Variants in MAGI2 observed in about 807,000 individuals in gnomAD.
The protein encoded by MAGI2 is membrane-associated guanylate kinase, WW and PDZ domain-containing protein 2.
Under a neutral mutation model 133.3 loss-of-function variants are expected in MAGI2, and 35 were observed. The ratio of observed to expected loss-of-function variants is 0.26; its 90% CI spans 0.20 to 0.35. The LOEUF (loss-of-function observed/expected upper bound fraction) is 0.35, where lower values mean the gene tolerates loss of function less well. MAGI2 is among the 10% of genes least tolerant of loss of function. The probability of loss-of-function intolerance (pLI) is 1.00; values close to 1 mark genes in which losing one functional copy is unlikely to be tolerated. For missense variants in MAGI2, 1,636 were observed against 1,863.4 expected (o/e 0.88, Z 2.25); for synonymous variants, 729 against 710.6 (o/e 1.03, Z -0.41).
chr7:78,785,957 C>A (rs1325818973), intron 2 of MAGI2, among the ~76,000 whole-genome samples: 1 of 151,980 alleles, frequency 6.6e-6, no homozygotes, highest in Non-Finnish European at 1.5e-5. Context: ...CAGAGGGAGA[C>A]AGAGGAATGA....
At chr7:78,255,809 C>A in intron 10 of MAGI2, 134 bp downstream of exon 10, 1 of 916,284 alleles carries the variant, frequency 1.1e-6, no homozygotes, top group Non-Finnish European at 1.7e-6. Context: ...ATGTTTTTCT[C>A]TCTCACTCTT....
chr7:78,109,302 TCAAAAAAAAA>T (rs1204234087), intron 20 of MAGI2, among the ~76,000 whole-genome samples: 2 of 7,656 alleles, frequency 2.6e-4, no homozygotes, highest in African/African-American at 1.3e-3. Context: ...AGACTCCGTC[TCAAAAAAAAA>T]AAAAAAAAAA....
intron 20 of MAGI2, among the ~76,000 whole-genome samples, chr7:78,088,460 G>T (rs191590811): frequency 6.6e-6 from 1 of 152,126 alleles, no homozygotes; most frequent in African/African-American, 2.4e-5. Context: ...CGGGGACATT[G>T]GTTAGCTGGG....
intron 21 of MAGI2, among the ~76,000 whole-genome samples, chr7:78,047,979 T>C (rs778530615): frequency 1.6e-4 from 25 of 152,234 alleles, no homozygotes; most frequent in Admixed American, 5.2e-4. Flanking sequence ...TTCCCTCTTC[T>C]GAGCACGTGT....
chr7:78,876,915 C>T (rs972875999), intron 2 of MAGI2, among the ~76,000 whole-genome samples: 1 of 74,166 alleles, frequency 1.3e-5, no homozygotes, highest in Admixed American at 1.2e-4. Context: ...TGTGGACTTA[C>T]AGAAATTTAT....
intron 21 of MAGI2, among the ~76,000 whole-genome samples, chr7:78,032,197 C>T (rs1179958153): frequency 6.6e-6 from 1 of 152,036 alleles, no homozygotes; most frequent in Non-Finnish European, 1.5e-5. Context: ...TATCTTTCTA[C>T]ATTAGAACCC....
chr7:78,602,457 G>T (rs1185617940), intron 3 of MAGI2, among the ~76,000 whole-genome samples: 2 of 152,156 alleles, frequency 1.3e-5, no homozygotes, highest in African/African-American at 4.8e-5. Context: ...ACCATACCCG[G>T]CCGATTAAAT....
rs78340323 is a variant in MAGI2, at chr7:79,079,640, G to T, written c.302-72434C>A. On this transcript the variant is annotated intron_variant, in intron 1 of 21. Transcript: ENST00000354212. Reference sequence around the variant, plus strand: ...CCCTGGCAAGATAGAAATGGTTGAGGTACTCACATATCTAGACATGAAACT... The same window carrying T: ...CCCTGGCAAGATAGAAATGGTTGAGTTACTCACATATCTAGACATGAAACT... 7.6e-3 allele frequency among the ~76,000 whole-genome samples: 1,151 copies of T among 152,036 alleles called. 18 individuals carry two copies. The highest frequency in any genetic ancestry group is 0.026 in the African/African-American group (1,093 of 41,474).
chr7:79,289,271 C>T (rs998536422), intron 1 of MAGI2, among the ~76,000 whole-genome samples: 3 of 152,120 alleles, frequency 2.0e-5, no homozygotes, highest in Admixed American at 1.3e-4. Context: ...TGATCTCATG[C>T]TCTCATAACT....
intron 6 of MAGI2, among the ~76,000 whole-genome samples, chr7:78,466,531 A>G (rs1790651250): frequency 6.6e-6 from 1 of 152,232 alleles, no homozygotes; most frequent in African/African-American, 2.4e-5. Flanking sequence ...TGTTTTATAA[A>G]TAACTAAAAT....
intron 1 of MAGI2, among the ~76,000 whole-genome samples, chr7:79,033,096 T>C (rs1440076072): frequency 2.0e-5 from 3 of 152,154 alleles, no homozygotes; most frequent in Non-Finnish European, 4.4e-5. Context: ...TGCTCTTGGA[T>C]CTGTTCTATC....
chr7:78,430,240 C>CTTTTTTTTTTTTT (rs545809101), intron 6 of MAGI2, among the ~76,000 whole-genome samples: 1 of 76,644 alleles, frequency 1.3e-5, no homozygotes, highest in African/African-American at 5.6e-5. Context: ...CTGGAAAAGC[C>CTTTTTTTTTTTTT]TTTTTTTTTT....
At position 78,384,492 on chromosome 7, in the gene MAGI2, G is replaced by C. The variant is rs376244330; in HGVS notation, c.1046-15279C>G. ...ATTTATAAACAGCTTGGAATCATAGGCTATTACATGTCATAGGCATAATTC... is the reference window on the plus strand; with the variant it reads ...ATTTATAAACAGCTTGGAATCATAGCCTATTACATGTCATAGGCATAATTC... On this transcript the variant is annotated intron_variant, in intron 6 of 21. Transcript: ENST00000354212. 2.2e-3 allele frequency among the ~76,000 whole-genome samples: 333 copies of C among 152,156 alleles called. 1 individual carries two copies. The highest frequency in any genetic ancestry group is 7.7e-3 in the African/African-American group (318 of 41,516).
intron 1 of MAGI2, among the ~76,000 whole-genome samples, chr7:79,282,313 T>C (rs958856731): frequency 1.3e-5 from 2 of 152,178 alleles, no homozygotes; most frequent in Non-Finnish European, 2.9e-5. Flanking sequence ...TGCTTGCGTT[T>C]ATAGCCTCCA....
At chr7:78,816,807 A>T (rs1346985871) in intron 2 of MAGI2, among the ~76,000 whole-genome samples, 1 of 152,166 alleles carries the variant, frequency 6.6e-6, no homozygotes, top group Non-Finnish European at 1.5e-5. Flanking sequence ...TCTGTTGGAG[A>T]TGTACAAGGA....
At chr7:78,438,495 T>A (rs748275833) in intron 6 of MAGI2, among the ~76,000 whole-genome samples, 3 of 152,102 alleles carry the variant, frequency 2.0e-5, no homozygotes, top group Non-Finnish European at 4.4e-5. Flanking sequence ...CACCAGAATA[T>A]AGGCAGAAAC....
At position 78,697,305 on chromosome 7, in the gene MAGI2, T is replaced by TTCACTTCA. The variant is rs1817623415; in HGVS notation, c.419-70067_419-70066insTGAAGTGA. ...TTATTTGTATGGTGGTCTGGCTTAT[T>TTCACTTCA]GAGGCTTGGTCTATTTCACTTCAGA... On this transcript the variant is annotated intron_variant, in intron 2 of 21. Coordinates refer to ENST00000354212, the MANE Select transcript of MAGI2 (RefSeq NM_012301.4). 4.6e-5 allele frequency among the ~76,000 whole-genome samples: 7 copies of TTCACTTCA among 152,328 alleles called. No homozygotes were observed. In the South Asian group the frequency reaches 1.4e-3, roughly 32 times the overall value.
chr7:78,722,715 CTGT>C (rs1820384461), intron 2 of MAGI2, among the ~76,000 whole-genome samples: 1 of 152,024 alleles, frequency 6.6e-6, no homozygotes, highest in Non-Finnish European at 1.5e-5. Flanking sequence ...AAAACAACCT[CTGT>C]TAAATAATTT....
At chr7:79,391,312 C>T (rs551426116) in intron 1 of MAGI2, among the ~76,000 whole-genome samples, 26 of 151,308 alleles carry the variant, frequency 1.7e-4, no homozygotes, top group South Asian at 6.2e-4. Context: ...AGAAAATGAA[C>T]TCTCATAATA....
Sources: allele counts gnomAD v4.1 joint callset (sites outside exome capture counted in the v4.1 genomes callset), GRCh38; gene constraint gnomAD v4.1.1; transcripts MANE v1.5; gene names NCBI Gene and HGNC (gene_info 2026-07-23, HGNC 2026-07-21).